The following TMPO variants were observed in gnomAD, a reference collection of about 807,000 sequenced individuals.
The protein encoded by TMPO is LEM domain containing 4.
In TMPO, 22 loss-of-function variants were observed where a neutral mutation model predicts 45.4. The observed-to-expected ratio is 0.48, with a 90% CI of 0.35 to 0.69. The LOEUF (loss-of-function observed/expected upper bound fraction) is 0.69, where lower values mean the gene tolerates loss of function less well. Among genes scored for constraint, TMPO ranks in the 30% least tolerant of loss-of-function variants. The pLI is 0.01. For missense variants in TMPO, 512 were observed against 548.8 expected (o/e 0.93, Z 0.67); for synonymous variants, 241 against 204.1 (o/e 1.18, Z -1.54).
rs1565817700 is a variant in TMPO, at chr12:98,546,372, C to G, written c.1004C>G (p.Thr335Arg). The G allele has an allele frequency of 6.2e-7, 1 of 1,611,732 alleles. No homozygotes were observed. Among genetic ancestry groups the G allele is most frequent in the Admixed American group, 1.7e-5 (1 of 60,016 alleles). ...PLTRAEVGEKTEERRVERDIL... is the reference protein window; with the variant it reads ...PLTRAEVGEKREERRVERDIL... ...GTTTCTTATTAGGTGGGAGAAAAAA[C>G]AGAGGAAAGAAGAGTAGAAAGGGAT... The change falls in exon 8 of 9, where the codon ACA becomes AGA. Residue 335 changes from threonine to arginine, a missense_variant. Coordinates refer to ENST00000556029, the MANE Select transcript of TMPO (RefSeq NM_001032283.3).
Position 98,529,572 on chromosome 12 carries a change from A to T in TMPO, c.406+1560A>T, listed in dbSNP as rs187447980. Among the ~76,000 whole-genome samples, 1,435 of 148,454 alleles carry T rather than the reference A, an allele frequency of 9.7e-3. 25 individuals are homozygous for T. Among genetic ancestry groups the T allele is most frequent in the East Asian group, 0.085 (432 of 5,104 alleles). ...GATGAGAAAATTCCATTTTATTATT[A>T]TTTTTTTTTTTGACAAGGTCTTTGC... On this transcript the variant is annotated intron_variant, in intron 2 of 8. Transcript: ENST00000556029.
intron 1 of TMPO, among the ~76,000 whole-genome samples, chr12:98,524,556 G>C (rs934211797): frequency 1.3e-5 from 2 of 151,136 alleles, no homozygotes; most frequent in Admixed American, 1.3e-4. Context: ...CTGGGCGAGA[G>C]AGTTAAGAGA....
At chr12:98,524,598 T>G (rs1225377585) in intron 1 of TMPO, among the ~76,000 whole-genome samples, 2 of 148,706 alleles carry the variant, frequency 1.3e-5, no homozygotes, top group Non-Finnish European at 3.0e-5. Context: ...AAAAAAAGAG[T>G]TAAGATTTTT....
chr12:98,534,815 T>C (rs185280612), intron 3 of TMPO: 913 of 1,002,480 alleles, frequency 9.1e-4, no homozygotes, highest in Non-Finnish European at 1.0e-3. Context: ...ATATTTTTGC[T>C]CATATTTTCT....
intron 4 of TMPO, chr12:98,537,844 T>G (rs959767848): frequency 1.8e-6 from 1 of 544,728 alleles, no homozygotes; most frequent in Non-Finnish European, 3.2e-6. Flanking sequence ...TTGAAAGAAA[T>G]ATTTTAAAAG....
chr12:98,545,716 T>C (rs1211740244), intron 7 of TMPO, among the ~76,000 whole-genome samples: 2 of 152,144 alleles, frequency 1.3e-5, no homozygotes, highest in African/African-American at 4.8e-5. Flanking sequence ...ACAGAATTCT[T>C]AATAAATGAA....
chr12:98,537,478 C>G lies in TMPO; in HGVS notation c.569C>G (p.Ser190Cys), dbSNP rs1565813766. Residue 190 changes from serine to cysteine, a missense_variant, in exon 4 of 9, where the codon TCT becomes TGT. Ser to Cys is a moderately radical substitution (Grantham distance 112, BLOSUM62 -1). Coordinates refer to ENST00000556029, the MANE Select transcript of TMPO (RefSeq NM_001032283.3). ...GTTTCTCCAATGTTATTTCCAGACT[C>G]TAAAATAGAGCTCAAGCTTGAGAAG... ...SDRYSDNEED[S>C]KIELKLEKRE... The G allele has an allele frequency of 3.1e-6, 5 of 1,611,704 alleles. No individual in the cohort carries two copies. The Admixed American group carries it at 5.0e-5, about 16-fold the overall frequency.
intron 3 of TMPO, 160 bp downstream of exon 3, chr12:98,531,998 T>TG (rs1313447822): frequency 3.1e-6 from 2 of 642,026 alleles, no homozygotes; most frequent in East Asian, 2.9e-5. Flanking sequence ...TACTTTTTAT[T>TG]GAAAATTCTA....
intron 1 of TMPO, among the ~76,000 whole-genome samples, chr12:98,521,504 T>G (rs1322010299): frequency 6.6e-6 from 1 of 152,182 alleles, no homozygotes; most frequent in Non-Finnish European, 1.5e-5. Flanking sequence ...GACAAAACTT[T>G]GCATGTTAAA....
chr12:98,527,771 A>G, intron 1 of TMPO, 115 bp from the exon 2 acceptor site: 2 of 1,182,522 alleles, frequency 1.7e-6, no homozygotes, highest in South Asian at 2.5e-5. Flanking sequence ...GCTAAGGCCT[A>G]ATATTACTAT....
intron 1 of TMPO, among the ~76,000 whole-genome samples, chr12:98,519,387 A>C (rs1333348097): frequency 6.6e-6 from 1 of 151,944 alleles, no homozygotes; most frequent in East Asian, 1.9e-4. Flanking sequence ...TTAGTAGAGA[A>C]GGGGTTTCGC....
chr12:98,545,210 T>A (rs1190253950), intron 7 of TMPO, 149 bp downstream of exon 7: 3 of 644,910 alleles, frequency 4.7e-6, no homozygotes, highest in Non-Finnish European at 8.1e-6. Context: ...TAAATTATTT[T>A]AAGGACACTT....
At chr12:98,545,398 A>G (rs935720798) in intron 7 of TMPO, among the ~76,000 whole-genome samples, 1 of 152,102 alleles carries the variant, frequency 6.6e-6, no homozygotes, top group Non-Finnish European at 1.5e-5. Context: ...GAGGGAGGCT[A>G]CACTTTCTTT....
chr12:98,524,205 A>G (rs1175848902), intron 1 of TMPO, among the ~76,000 whole-genome samples: 1 of 152,206 alleles, frequency 6.6e-6, no homozygotes, highest in Non-Finnish European at 1.5e-5. Flanking sequence ...TGGGCTACAC[A>G]ATTACAAACA....
chr12:98,529,619 C>T (rs1385461085), intron 2 of TMPO, among the ~76,000 whole-genome samples: 1 of 151,394 alleles, frequency 6.6e-6, no homozygotes, highest in Non-Finnish European at 1.5e-5. Context: ...CGCTGGAGTG[C>T]AGTGGCACAG....
chr12:98,533,283 T>C, intron 3 of TMPO: 1 of 1,614,060 alleles, frequency 6.2e-7, no homozygotes, highest in South Asian at 1.1e-5. Flanking sequence ...CATTATGTCC[T>C]GAGAGGTCCC....
chr12:98,515,815 G>T lies in TMPO; in HGVS notation c.-53G>T. ...TCCCCGGCCAGGAGCAAGCGCGCCG[G>T]CGTGAGCGGCGGCGGCAAAGGCTGT... On this transcript the variant is annotated 5_prime_UTR_variant, in exon 1 of 9. Coordinates refer to ENST00000556029, the MANE Select transcript of TMPO (RefSeq NM_001032283.3). 6.4e-7 allele frequency: 1 copy of T among 1,574,590 alleles called. No homozygotes were observed. The highest frequency in any genetic ancestry group is 1.9e-5 in the Admixed American group (1 of 53,820).
intron 3 of TMPO, chr12:98,533,247 C>A: frequency 3.7e-6 from 6 of 1,613,790 alleles, no homozygotes; most frequent in Non-Finnish European, 5.1e-6. Flanking sequence ...AAAATATTTG[C>A]GGTAGAGAGA....
intron 3 of TMPO, chr12:98,534,031 G>T: frequency 6.2e-7 from 1 of 1,608,422 alleles, no homozygotes; most frequent in Non-Finnish European, 8.5e-7. Context: ...TGTAGCTAAG[G>T]CTATGCAGGC....
Sources: allele counts gnomAD v4.1 joint callset (sites outside exome capture counted in the v4.1 genomes callset), GRCh38; gene constraint gnomAD v4.1.1; transcripts MANE v1.5; gene names NCBI Gene and HGNC (gene_info 2026-07-23, HGNC 2026-07-21).